Variants in INTS6 observed in about 807,000 individuals in gnomAD.
INTS6 encodes the protein DEAD box protein.
Under a neutral mutation model 104.9 loss-of-function variants are expected in INTS6, and 16 were observed. That is an observed-to-expected ratio of 0.15 (90% CI 0.10 to 0.23). INTS6 has a LOEUF of 0.23. Ranked by LOEUF, INTS6 falls within the 10% of genes least tolerant of loss-of-function variation. The pLI is 1.00. For missense variants in INTS6, 584 were observed against 1,062.8 expected, an observed-to-expected ratio of 0.55 and a Z score of 6.26; for synonymous variants, 324 against 358.7, an observed-to-expected ratio of 0.90 and a Z score of 1.09.
At chr13:51,339,712 C>G in the INTS6 span, 1 of 152,210 alleles carries the variant, frequency 6.6e-6, no homozygotes, top group Non-Finnish European at 1.5e-5. Context: ...CAGAGTCGAG[C>G]AAGGAAACGT....
chr13:51,447,059 T>C (rs571621054), intron 3 of INTS6: 1 of 152,210 alleles, frequency 6.6e-6, no homozygotes, highest in Non-Finnish European at 1.5e-5. Context: ...AAAAAAATTT[T>C]AATTAAAGGA....
At chr13:51,404,592 T>A (rs1956523269) in intron 4 of INTS6, among the ~76,000 whole-genome samples, 1 of 152,188 alleles carries the variant, frequency 6.6e-6, no homozygotes. Flanking sequence ...ATGTATAAGA[T>A]GTATACTGAG....
intron 4 of INTS6, among the ~76,000 whole-genome samples, chr13:51,398,531 T>A (rs959063791): frequency 3.3e-5 from 5 of 151,942 alleles, no homozygotes; most frequent in Admixed American, 6.6e-5. Flanking sequence ...TTAGCAAAAA[T>A]TTTTTAAATT....
the INTS6 span, among the ~76,000 whole-genome samples, chr13:51,347,406 A>G: frequency 6.6e-6 from 1 of 152,190 alleles, no homozygotes. Context: ...CGGAGACTTT[A>G]GAGAGGAGTG....
intron 4 of INTS6, among the ~76,000 whole-genome samples, chr13:51,427,343 A>C (rs1957002807): frequency 6.6e-6 from 1 of 152,164 alleles, no homozygotes; most frequent in South Asian, 2.1e-4. Context: ...ATAAAGGCAA[A>C]ATTGTTATTC....
At chr13:51,405,911 T>TA (rs1956555272) in intron 4 of INTS6, among the ~76,000 whole-genome samples, 1 of 152,206 alleles carries the variant, frequency 6.6e-6, no homozygotes, top group African/African-American at 2.4e-5. Flanking sequence ...GATGACTTGT[T>TA]ACACAGCAGC....
intron 4 of INTS6, among the ~76,000 whole-genome samples, chr13:51,414,693 C>T (rs2080127319): frequency 6.6e-6 from 1 of 151,848 alleles, no homozygotes; most frequent in Non-Finnish European, 1.5e-5. Flanking sequence ...TTCTTAAATC[C>T]TATTTCTCAA....
At chr13:51,387,171 G>A (rs552402174) in intron 7 of INTS6, among the ~76,000 whole-genome samples, 18 of 152,140 alleles carry the variant, frequency 1.2e-4, no homozygotes, top group Non-Finnish European at 2.1e-4. Flanking sequence ...GATTCTAAAC[G>A]AAGGAGATGC....
intron 3 of INTS6, chr13:51,444,370 G>A (rs1342513012): frequency 6.9e-6 from 1 of 145,542 alleles, no homozygotes; most frequent in African/African-American, 2.6e-5. Flanking sequence ...CTCCCAAAGT[G>A]TTGGGATTAC....
intron 4 of INTS6, among the ~76,000 whole-genome samples, chr13:51,408,609 G>A (rs994422874): frequency 5.9e-5 from 9 of 152,184 alleles, no homozygotes; most frequent in Non-Finnish European, 4.4e-5. Context: ...GAAACCTTCT[G>A]TAGTATGTTA....
At chr13:51,345,593 A>AC in the INTS6 span, among the ~76,000 whole-genome samples, 5 of 95,882 alleles carry the variant, frequency 5.2e-5, no homozygotes, top group East Asian at 1.7e-3. Flanking sequence ...ATTTCATCTC[A>AC]AAAAAAAAAA....
chr13:51,383,099 C>T (rs1296468281), intron 9 of INTS6, among the ~76,000 whole-genome samples: 3 of 149,660 alleles, frequency 2.0e-5, no homozygotes, highest in Admixed American at 6.6e-5. Context: ...CCCACCCCCC[C>T]GCAAAAAAAA....
At chr13:51,422,765 T>C (rs1956918302) in intron 4 of INTS6, among the ~76,000 whole-genome samples, 1 of 152,176 alleles carries the variant, frequency 6.6e-6, no homozygotes, top group Admixed American at 6.6e-5. Flanking sequence ...CTTAGGGTGC[T>C]ATTACCTGCC....
rs1428178076 is a variant in INTS6, at chr13:51,379,632, GTA to G, written c.1276-62_1276-61del. Reference sequence around the variant, plus strand: ...GCTTATTAAAAACTTATGGTTCCATGTATAGTCTGTCTTAAAATTTTCTCCAA... The same window carrying G: ...GCTTATTAAAAACTTATGGTTCCATGTAGTCTGTCTTAAAATTTTCTCCAA... On this transcript the variant is annotated intron_variant, in intron 10 of 17. Coordinates refer to ENST00000311234, the MANE Select transcript of INTS6 (RefSeq NM_012141.3). The G allele has an allele frequency of 3.3e-6, 3 of 917,482 alleles. No individual in the cohort carries two copies. In the African/African-American group the frequency reaches 5.1e-5, roughly 16 times the overall value. 56.8% of individuals were successfully genotyped at this position (917,482 alleles called of 1,614,324 possible). A position where few individuals can be genotyped will look rare whatever the true frequency, so the allele number is the denominator to read the frequency against.
chr13:51,391,791 G>A (rs1230975950), intron 5 of INTS6, among the ~76,000 whole-genome samples: 1 of 152,102 alleles, frequency 6.6e-6, no homozygotes, highest in Non-Finnish European at 1.5e-5. Flanking sequence ...TCCTTACAGA[G>A]GCTAAGAAAG....
At chr13:51,391,334 A>G (rs1231554348) in intron 5 of INTS6, among the ~76,000 whole-genome samples, 2 of 152,184 alleles carry the variant, frequency 1.3e-5, no homozygotes, top group East Asian at 3.8e-4. Context: ...ATCAATTAAG[A>G]AAACATAAGC....
intron 3 of INTS6, chr13:51,449,893 T>C (rs1184873473): frequency 2.0e-6 from 2 of 985,198 alleles, no homozygotes; most frequent in Non-Finnish European, 2.4e-6. Flanking sequence ...GGAAGTTCAA[T>C]TTGGTAAGCT....
intron 3 of INTS6, chr13:51,446,403 A>G (rs549233112): frequency 2.6e-5 from 4 of 152,222 alleles, no homozygotes; most frequent in Non-Finnish European, 4.4e-5. Context: ...GTAAAACAGA[A>G]AATTGTGTTA....
chr13:51,423,732 G>T (rs1050585611), intron 4 of INTS6, among the ~76,000 whole-genome samples: 3 of 151,948 alleles, frequency 2.0e-5, no homozygotes, highest in Non-Finnish European at 2.9e-5. Flanking sequence ...TAAAGGTCAA[G>T]AATTATTTTT....
Sources: allele counts gnomAD v4.1 joint callset (sites outside exome capture counted in the v4.1 genomes callset), GRCh38; gene constraint gnomAD v4.1.1; transcripts MANE v1.5; gene names NCBI Gene and HGNC (gene_info 2026-07-23, HGNC 2026-07-21).